PKNOX1: variants seen among roughly 807,000 people sequenced by gnomAD.
The protein encoded by PKNOX1 is PBX/knotted 1 homeobox 1.
A neutral mutation model predicts 51.9 loss-of-function variants in PKNOX1; 15 were observed. That is an observed-to-expected ratio of 0.29 (90% CI 0.19 to 0.45). The LOEUF is 0.45. Among genes scored for constraint, PKNOX1 ranks in the 20% least tolerant of loss-of-function variants. The pLI is 1.00. For missense variants in PKNOX1, 462 were observed against 547.5 expected, an observed-to-expected ratio of 0.84 and a Z score of 1.56; for synonymous variants, 219 against 211.1, an observed-to-expected ratio of 1.04 and a Z score of -0.32.
chr21:43,014,935 A>G (rs535304304), intron 5 of PKNOX1, among the ~76,000 whole-genome samples: 8 of 152,234 alleles, frequency 5.3e-5, no homozygotes, highest in Non-Finnish European at 1.0e-4. Context: ...GAATTGTATT[A>G]TACCTGTATA....
rs546128338 is a variant in PKNOX1, at chr21:43,014,176, C to T, written c.522+938C>T. ...AGCTGGGACTACAGGTGCCTGCCAC[C>T]ACACCCGGCTAATTTTTTGTATTTT... On this transcript the variant is annotated intron_variant, in intron 5 of 10. Coordinates refer to ENST00000291547, the MANE Select transcript of PKNOX1 (RefSeq NM_004571.5). Among the ~76,000 whole-genome samples, 56 of 152,132 alleles carry T rather than the reference C, an allele frequency of 3.7e-4. 2 individuals are homozygous for T. In the South Asian group the frequency reaches 0.011, roughly 30 times the overall value.
intron 1 of PKNOX1, among the ~76,000 whole-genome samples, chr21:42,975,746 C>G (rs1372302597): frequency 6.6e-6 from 1 of 152,236 alleles, no homozygotes; most frequent in Non-Finnish European, 1.5e-5. Flanking sequence ...GGCCGCAGCC[C>G]TGGGGGGTGT....
At chr21:42,982,935 G>A (rs1298566366) in intron 1 of PKNOX1, among the ~76,000 whole-genome samples, 1 of 151,634 alleles carries the variant, frequency 6.6e-6, no homozygotes, top group African/African-American at 2.4e-5. Flanking sequence ...TCAGCCTACT[G>A]AGTAGCTGGG....
At position 43,007,593 on chromosome 21, in the gene PKNOX1, G is replaced by C; in HGVS notation, c.154G>C (p.Asp52His). ...CCCTGTGGAGTCTCAGACCCCGATG[G>C]ATGTGGACAAGCAGGCCATTTATAG... is the stretch of plus-strand genomic sequence containing the variant. ...PPPVESQTPM[D>H]VDKQAIYRHP... The change falls in exon 3 of 11, where the codon GAT becomes CAT. Residue 52 changes from aspartate to histidine, a missense_variant. Transcript: ENST00000291547. 1 of 1,614,184 alleles carries C rather than the reference G, an allele frequency of 6.2e-7. No homozygotes were observed. Among genetic ancestry groups the C allele is most frequent in the South Asian group, 1.1e-5 (1 of 91,086 alleles).
At chr21:42,990,039 A>C (rs773229272) in intron 1 of PKNOX1, among the ~76,000 whole-genome samples, 1 of 151,964 alleles carries the variant, frequency 6.6e-6, no homozygotes, top group Non-Finnish European at 1.5e-5. Flanking sequence ...TCGAGGCTGC[A>C]GTGAGCCAGA....
At chr21:43,027,170 T>C (rs905104584) in intron 9 of PKNOX1, among the ~76,000 whole-genome samples, 6 of 152,196 alleles carry the variant, frequency 3.9e-5, no homozygotes, top group Admixed American at 1.3e-4. Context: ...TGTGTGACTC[T>C]AGCAAGAGGT....
intron 1 of PKNOX1, among the ~76,000 whole-genome samples, chr21:42,975,792 A>G (rs1056520454): frequency 6.6e-6 from 1 of 152,176 alleles, no homozygotes; most frequent in East Asian, 1.9e-4. Flanking sequence ...CAACTCTACG[A>G]GAGTTTGCTT....
chr21:42,990,210 G>A (rs1367346893), intron 1 of PKNOX1, among the ~76,000 whole-genome samples: 1 of 151,686 alleles, frequency 6.6e-6, no homozygotes, highest in East Asian at 1.9e-4. Flanking sequence ...AGTGAGCCGA[G>A]ATCACACCAC....
intron 10 of PKNOX1, among the ~76,000 whole-genome samples, chr21:43,029,424 G>GTTTTTTCTTTTTTTTTTT (rs1980134973): frequency 1.6e-5 from 1 of 63,304 alleles, no homozygotes; most frequent in Non-Finnish European, 2.9e-5. Context: ...TGTTTGCTTT[G>GTTTTTTCTTTTTTTTTTT]TTTTTTTTTT....
intron 8 of PKNOX1, among the ~76,000 whole-genome samples, chr21:43,023,828 A>C (rs1743071535): frequency 6.6e-6 from 1 of 151,654 alleles, no homozygotes; most frequent in South Asian, 2.1e-4. Flanking sequence ...GTTAGCCAGG[A>C]TGGTCTTGAT....
At position 43,010,181 on chromosome 21, in the gene PKNOX1, A is replaced by G. The variant is rs750163997; in HGVS notation, c.308A>G (p.Glu103Gly). 1.3e-6 allele frequency: 2 copies of G among 1,595,752 alleles called. No individual in the cohort carries two copies. Among genetic ancestry groups the G allele is most frequent in the Non-Finnish European group, 1.7e-6 (2 of 1,169,886 alleles). ...AATTTTGTAAGAAAGCAAGAGAAGG[A>G]AGGGAAACCTTTCTTTTGTGAAGAT... The part of the protein sequence containing the change: ...IENFVRKQEK[E>G]GKPFFCEDPE... The change falls in exon 4 of 11, where the codon GAA becomes GGA. Residue 103 changes from glutamate (E) to glycine (G), a missense_variant. Glu to Gly is a moderately conservative substitution (Grantham distance 98). This residue lies in a region of PKNOX1 where 129 missense variants were observed against 133.4 expected (regional missense o/e 0.97). Coordinates refer to ENST00000291547, the MANE Select transcript of PKNOX1 (RefSeq NM_004571.5).
chr21:42,992,844 G>A (rs1568891060), intron 1 of PKNOX1, among the ~76,000 whole-genome samples: 1 of 143,118 alleles, frequency 7.0e-6, no homozygotes, highest in Non-Finnish European at 1.5e-5. Context: ...CTTCCTCACG[G>A]TATCGGGGGC....
chr21:43,009,968 A>AC (rs539110624), intron 3 of PKNOX1, 85 bp from the exon 4 acceptor site: 21 of 725,166 alleles, frequency 2.9e-5, no homozygotes, highest in South Asian at 2.4e-4. Context: ...CAGAGGTGTT[A>AC]GTGAAGTAGT....
chr21:43,006,785 G>C (rs991365463), intron 2 of PKNOX1, among the ~76,000 whole-genome samples: 78 of 152,320 alleles, frequency 5.1e-4, no homozygotes, highest in African/African-American at 1.8e-3. Flanking sequence ...GGGAGAAATG[G>C]CCCGTCCTGG....
chr21:42,984,643 C>T (rs1050435944), intron 1 of PKNOX1, among the ~76,000 whole-genome samples: 2 of 152,244 alleles, frequency 1.3e-5, no homozygotes, highest in African/African-American at 2.4e-5. Context: ...CTGCCTTGGC[C>T]TCCCAAAGTG....
intron 3 of PKNOX1, among the ~76,000 whole-genome samples, chr21:43,009,555 G>C (rs1456618802): frequency 1.5e-5 from 2 of 133,806 alleles, no homozygotes; most frequent in Non-Finnish European, 3.1e-5. Flanking sequence ...AGGTTGCAGT[G>C]ACCCGAGATC....
chr21:42,985,313 T>G (rs1176830023), intron 1 of PKNOX1, among the ~76,000 whole-genome samples: 1 of 152,002 alleles, frequency 6.6e-6, no homozygotes, highest in African/African-American at 2.4e-5. Flanking sequence ...TTCCTTTTTT[T>G]GTTTGTTTTT....
chr21:43,026,490 G>A (rs146875523), intron 9 of PKNOX1, among the ~76,000 whole-genome samples: 4,309 of 152,238 alleles, frequency 0.028, 74 homozygotes, highest in Non-Finnish European at 0.045. Flanking sequence ...CAGGCGCGGT[G>A]GCTCACACCT....
intron 1 of PKNOX1, among the ~76,000 whole-genome samples, chr21:42,980,685 A>C (rs1022799672): frequency 6.6e-6 from 1 of 152,200 alleles, no homozygotes; most frequent in African/African-American, 2.4e-5. Flanking sequence ...ATTGAACCAA[A>C]TTGGTGATAG....
Sources: gnomAD v4.1 joint callset for allele counts (sites outside exome capture counted in the v4.1 genomes callset) on GRCh38, gnomAD v4.1.1 for gene constraint, gnomAD v4.1.1 regional missense constraint, MANE v1.5 for transcripts, NCBI Gene and HGNC (gene_info 2026-07-23, HGNC 2026-07-21) for gene names.